EFCAB5: variants seen among roughly 807,000 people sequenced by gnomAD.
EFCAB5 encodes EF-hand calcium binding domain 5, also known as EF-hand calcium-binding domain-containing protein 5.
A neutral mutation model predicts 167.9 loss-of-function variants in EFCAB5; 131 were observed. That is an observed-to-expected ratio of 0.78 (90% CI 0.68 to 0.90). The LOEUF is 0.90. EFCAB5 is among the 40% of genes least tolerant of loss of function. The pLI, the probability that EFCAB5 is intolerant of heterozygous loss-of-function variation, is 0.00. For synonymous variants in EFCAB5, 574 were observed against 602.8 expected (o/e 0.95, Z 0.70); for missense variants, 1,663 against 1,745.2 (o/e 0.95, Z 0.84).
At chr17:29,948,949 C>T (rs950699740) in intron 3 of EFCAB5, among the ~76,000 whole-genome samples, 3 of 152,128 alleles carry the variant, frequency 2.0e-5, no homozygotes, top group Non-Finnish European at 2.9e-5. Context: ...AGTCATTCTA[C>T]ATCATGTGCC....
At chr17:29,960,944 C>T (rs1254349815) in intron 3 of EFCAB5, among the ~76,000 whole-genome samples, 3 of 152,084 alleles carry the variant, frequency 2.0e-5, no homozygotes, top group Admixed American at 6.5e-5. Context: ...AATCCTCCCA[C>T]CTCAGCCTGC....
At chr17:29,957,833 G>C (rs949198667) in intron 3 of EFCAB5, among the ~76,000 whole-genome samples, 1 of 152,030 alleles carries the variant, frequency 6.6e-6, no homozygotes, top group African/African-American at 2.4e-5. Flanking sequence ...ATATTCCTTT[G>C]GGTATATACT....
At chr17:30,087,001 A>G (rs2151843106) in intron 18 of EFCAB5, 62 bp from the exon 19 acceptor site, 4 of 1,462,030 alleles carry the variant, frequency 2.7e-6, no homozygotes, top group Non-Finnish European at 1.9e-6. Flanking sequence ...ATCTGTCCCC[A>G]AAAGCTTTAA....
intron 7 of EFCAB5, among the ~76,000 whole-genome samples, chr17:30,015,500 T>C (rs1233900783): frequency 6.6e-6 from 1 of 152,208 alleles, no homozygotes; most frequent in Non-Finnish European, 1.5e-5. Flanking sequence ...ATTAATGAAA[T>C]GAAGCGAGAA....
intron 4 of EFCAB5, among the ~76,000 whole-genome samples, chr17:29,983,409 T>G (rs1044760173): frequency 1.3e-5 from 2 of 152,222 alleles, no homozygotes; most frequent in Non-Finnish European, 2.9e-5. Flanking sequence ...AATGGCCCAT[T>G]GGCCAAAGCA....
intron 7 of EFCAB5, among the ~76,000 whole-genome samples, chr17:30,033,730 A>G (rs1208785496): frequency 6.6e-6 from 1 of 152,238 alleles, no homozygotes; most frequent in African/African-American, 2.4e-5. Context: ...CCTATACTTT[A>G]AAAGAAGATC....
intron 8 of EFCAB5, among the ~76,000 whole-genome samples, chr17:30,044,687 G>C (rs2069869479): frequency 6.6e-6 from 1 of 152,090 alleles, no homozygotes; most frequent in Admixed American, 6.6e-5. Context: ...TTGCTGGTAG[G>C]AATGATACAA....
At chr17:30,013,101 C>T (rs954346811) in intron 7 of EFCAB5, among the ~76,000 whole-genome samples, 2 of 152,054 alleles carry the variant, frequency 1.3e-5, no homozygotes, top group South Asian at 2.1e-4. Context: ...TGATGGATTA[C>T]GTTTATTGAT....
At chr17:30,045,458 CAAAAA>C (rs11291669) in intron 8 of EFCAB5, among the ~76,000 whole-genome samples, 2 of 80,382 alleles carry the variant, frequency 2.5e-5, no homozygotes, top group Admixed American at 1.3e-4. Context: ...GCTCTGTCTC[CAAAAA>C]AAAAAAAAAA....
chr17:30,057,822 ACT>A lies in EFCAB5; in HGVS notation c.2516_2517del (p.Leu839HisfsTer5). 1.9e-6 allele frequency: 3 copies of A among 1,613,614 alleles called. No homozygotes were observed. The East Asian group carries it at 6.7e-5, about 36-fold the overall frequency. On this transcript the variant is annotated frameshift_variant, in exon 13 of 23. Transcript: ENST00000394835. LOFTEE classifies it high-confidence loss of function. ...AGACGCTCCCTTGAGTGTCAGCGAG[ACT>A]CTCACCTCCTTTTTTAAGGAGGGCT... is the stretch of plus-strand genomic sequence containing the variant. The part of the protein sequence containing the change: ...GEDAPLSVSE[T>X]LTSFFKEGYV...
intron 5 of EFCAB5, among the ~76,000 whole-genome samples, chr17:29,995,889 A>G (rs1047987777): frequency 1.3e-5 from 2 of 152,206 alleles, no homozygotes; most frequent in Non-Finnish European, 2.9e-5. Flanking sequence ...AACACTTCAT[A>G]AAACACCAGT....
rs1249187243 is a variant in EFCAB5, at chr17:30,053,338, G to C, written c.1384G>C (p.Asp462His). The change falls in exon 10 of 23, where the codon GAC becomes CAC. Residue 462 changes from aspartate to histidine, a missense_variant. Transcript: ENST00000394835. ...DNQKHIYEGFDKVLLEMNTLL... is the reference protein window; with the variant it reads ...DNQKHIYEGFHKVLLEMNTLL... ...TCAGAAACACATTTATGAAGGTTTT[G>C]ACAAAGTGCTCTTGGAGATGAATAC... The C allele has an allele frequency of 6.2e-7, 1 of 1,613,968 alleles. No homozygotes were observed. Among genetic ancestry groups the C allele is most frequent in the African/African-American group, 1.3e-5 (1 of 75,040 alleles).
At chr17:30,069,322 A>G (rs771839270) in intron 14 of EFCAB5, 26 of 1,536,122 alleles carry the variant, frequency 1.7e-5, no homozygotes, top group Non-Finnish European at 2.1e-5. Context: ...CAGAAGAAAT[A>G]CAAATGTTTG....
At chr17:29,966,728 T>G (rs2067835908) in intron 3 of EFCAB5, among the ~76,000 whole-genome samples, 1 of 152,194 alleles carries the variant, frequency 6.6e-6, no homozygotes, top group African/African-American at 2.4e-5. Flanking sequence ...CTATATGCAG[T>G]CCGCACTTAA....
chr17:30,039,454 C>A (rs557674974), intron 8 of EFCAB5, among the ~76,000 whole-genome samples: 2 of 152,284 alleles, frequency 1.3e-5, no homozygotes, highest in African/African-American at 4.8e-5. Context: ...TTGATGCTTG[C>A]CTTGTTATAC....
At chr17:30,098,745 CACT>C (rs2071340111) in intron 22 of EFCAB5, among the ~76,000 whole-genome samples, 1 of 152,100 alleles carries the variant, frequency 6.6e-6, no homozygotes, top group South Asian at 2.1e-4. Context: ...CAGTTATCAC[CACT>C]ATCTAATTTT....
intron 7 of EFCAB5, among the ~76,000 whole-genome samples, chr17:30,033,488 G>A (rs2069536381): frequency 6.6e-6 from 1 of 152,110 alleles, no homozygotes; most frequent in Non-Finnish European, 1.5e-5. Flanking sequence ...AATGTAATTC[G>A]TTCCTGACCT....
chr17:30,058,390 A>C (rs2070335281), intron 13 of EFCAB5, among the ~76,000 whole-genome samples: 1 of 152,200 alleles, frequency 6.6e-6, no homozygotes, highest in Admixed American at 6.5e-5. Context: ...GAAATATGTA[A>C]ATTACTTTCA....
intron 22 of EFCAB5, among the ~76,000 whole-genome samples, chr17:30,094,127 C>T (rs2071250053): frequency 6.6e-6 from 1 of 152,114 alleles, no homozygotes; most frequent in South Asian, 2.1e-4. Flanking sequence ...CCACGCCTTC[C>T]AAACTATTAT....
Sources: gnomAD v4.1 joint callset for allele counts (sites outside exome capture counted in the v4.1 genomes callset) on GRCh38, gnomAD v4.1.1 for gene constraint, MANE v1.5 for transcripts, NCBI Gene and HGNC (gene_info 2026-07-23, HGNC 2026-07-21) for gene names.